Variants in STIM1 observed in about 807,000 individuals in gnomAD.
The protein encoded by STIM1 is stromal interaction molecule 1.
In STIM1, 25 loss-of-function variants were observed where a neutral mutation model predicts 74.7. That is an observed-to-expected ratio of 0.33 (90% confidence interval 0.24 to 0.47). STIM1 has a LOEUF of 0.47. Among genes scored for constraint, STIM1 ranks in the 20% least tolerant of loss-of-function variants. STIM1 has a pLI of 1.00. For synonymous variants in STIM1, 328 were observed against 348.8 expected (o/e 0.94, Z 0.66); for missense variants, 728 against 920.8 (o/e 0.79, Z 2.71).
intron 1 of STIM1, among the ~76,000 whole-genome samples, chr11:3,900,184 C>T (rs1015904699): frequency 1.3e-4 from 20 of 152,172 alleles, no homozygotes; most frequent in African/African-American, 4.8e-4. Flanking sequence ...AGTTTGATCT[C>T]AGACTGCTGT....
chr11:3,863,328 TC>T (rs2090714414), intron 1 of STIM1, among the ~76,000 whole-genome samples: 1 of 151,114 alleles, frequency 6.6e-6, no homozygotes, highest in African/African-American at 2.4e-5. Flanking sequence ...TGATCATGGC[TC>T]ACTGTTGCCT....
In STIM1 at chr11:4,056,012, A is replaced by G. The variant is rs190401726; in HGVS notation, c.497+375A>G. Among the ~76,000 whole-genome samples the G allele has an allele frequency of 3.3e-3, 509 of 152,364 alleles. 2 individuals are homozygous for G. Among genetic ancestry groups the G allele is most frequent in the Non-Finnish European group, 6.3e-3 (429 of 68,040 alleles). ...CTGGTTAAGTAACTTATCCAAGGTC[A>G]CAAACATGACTAGTTAGGGGCAAAA... On this transcript the variant is annotated intron_variant, in intron 4 of 12. Coordinates refer to ENST00000526596, the MANE Select transcript of STIM1 (RefSeq NM_001382567.1).
In STIM1 at chr11:3,961,496, GTA is replaced by G. The variant is rs377127220; in HGVS notation, c.140-6043_140-6042del. The G allele has an allele frequency of 5.4e-3, 817 of 151,598 alleles. 7 individuals carry two copies. Among genetic ancestry groups the G allele is most frequent in the South Asian group, 0.018 (88 of 4,924 alleles). The allele number at this position is 151,598 out of a possible 1,614,324, so 9.4% of individuals were successfully genotyped here. A position where few individuals can be genotyped will look rare whatever the true frequency, so the allele number is the denominator to read the frequency against. ...GGGATATCAAAGGACAATGTGATGAGTATATATATATATACATATATTTTTTT... is the reference window on the plus strand; with the variant it reads ...GGGATATCAAAGGACAATGTGATGAGTATATATATATACATATATTTTTTT... On this transcript the variant is annotated intron_variant, in intron 1 of 12. Transcript: ENST00000526596.
At chr11:4,069,895 G>A (rs547541478) in intron 5 of STIM1, 131 bp from the exon 6 acceptor site, 19 of 991,652 alleles carry the variant, frequency 1.9e-5, no homozygotes, top group African/African-American at 1.6e-4. Flanking sequence ...TCTAAGAAGA[G>A]AAACTAATTC....
chr11:3,950,384 G>A (rs1367165196), intron 1 of STIM1, among the ~76,000 whole-genome samples: 1 of 152,054 alleles, frequency 6.6e-6, no homozygotes, highest in African/African-American at 2.4e-5. Context: ...TGCCCGCCTC[G>A]GCCTCCCAAA....
At chr11:3,898,282 T>C (rs1228451888) in intron 1 of STIM1, among the ~76,000 whole-genome samples, 1 of 145,742 alleles carries the variant, frequency 6.9e-6, no homozygotes, top group Non-Finnish European at 1.5e-5. Context: ...GAGCATTTTT[T>C]CATGTGTCTT....
chr11:3,901,908 C>T (rs917787040), intron 1 of STIM1, among the ~76,000 whole-genome samples: 1 of 152,166 alleles, frequency 6.6e-6, no homozygotes, highest in African/African-American at 2.4e-5. Context: ...GCTGAAACTA[C>T]AGGCACGTGC....
rs547123029 is a variant in STIM1 at position 4,056,130 on chromosome 11, G to A, written c.497+493G>A. Among the ~76,000 whole-genome samples the A allele has an allele frequency of 1.4e-4, 21 of 151,948 alleles. No individual in the cohort carries two copies. In the East Asian group the frequency reaches 2.5e-3, roughly 18 times the overall value. On this transcript the variant is annotated intron_variant, in intron 4 of 12. Coordinates refer to ENST00000526596, the MANE Select transcript of STIM1 (RefSeq NM_001382567.1). ...TGAGCAGCTGCCTCTTTTATCACCC[G>A]GGAGCCTCAGGGCTCTTTTAGCCTC...
At chr11:3,987,393 G>T (rs1376635414) in intron 2 of STIM1, among the ~76,000 whole-genome samples, 2 of 152,178 alleles carry the variant, frequency 1.3e-5, no homozygotes, top group Admixed American at 1.3e-4. Flanking sequence ...CATAAGCTTT[G>T]TGATTTCTCT....
intron 1 of STIM1, among the ~76,000 whole-genome samples, chr11:3,880,182 A>G (rs1287821511): frequency 1.3e-5 from 2 of 152,322 alleles, no homozygotes; most frequent in African/African-American, 2.4e-5. Flanking sequence ...GGCCACTGAG[A>G]GAATGTATTT....
chr11:4,008,883 A>T (rs892934412), intron 2 of STIM1, among the ~76,000 whole-genome samples: 1 of 152,210 alleles, frequency 6.6e-6, no homozygotes, highest in Non-Finnish European at 1.5e-5. Context: ...TAAAGAAATG[A>T]CATTGAAAGA....
intron 1 of STIM1, among the ~76,000 whole-genome samples, chr11:3,958,630 T>C (rs2093247323): frequency 6.6e-6 from 1 of 152,174 alleles, no homozygotes; most frequent in South Asian, 2.1e-4. Context: ...ACTGGGGACC[T>C]TTCTTGGATA....
chr11:4,068,889 CT>C (rs1325055855), intron 5 of STIM1, among the ~76,000 whole-genome samples: 1 of 152,194 alleles, frequency 6.6e-6, no homozygotes, highest in African/African-American at 2.4e-5. Flanking sequence ...GTGGCTCTAC[CT>C]GGGTCCTTTT....
rs754273677 is a variant in STIM1, at chr11:4,091,747, A to G, written c.2100A>G (p.Pro700=). 1.6e-5 allele frequency: 26 copies of G among 1,612,366 alleles called. No individual in the cohort carries two copies. The Admixed American group carries it at 3.8e-4, about 24-fold the overall frequency. Residue 700 remains proline, a synonymous_variant, in exon 13 of 13, where the codon CCA becomes CCG. Transcript: ENST00000526596. ...TTGGCGAGGAAACAGACTCCAGCCC[A>G]GGCCGGAAGAAGTTTCCCCTCAAAA... ...GSIGEETDSS[P]GRKKFPLKIF...
intron 1 of STIM1, among the ~76,000 whole-genome samples, chr11:3,873,623 A>G (rs536215060): frequency 6.6e-6 from 1 of 152,066 alleles, no homozygotes; most frequent in East Asian, 1.9e-4. Context: ...GATTAGGTTC[A>G]GTATAGCCAC....
At chr11:3,918,400 C>T (rs978823444) in intron 1 of STIM1, among the ~76,000 whole-genome samples, 4 of 151,562 alleles carry the variant, frequency 2.6e-5, no homozygotes, top group African/African-American at 9.7e-5. Flanking sequence ...ACCTGTAGTC[C>T]TAGCTACTCA....
In STIM1 at chr11:4,055,609, C is replaced by A; in HGVS notation, c.469C>A (p.Leu157Met). 1 of 1,594,374 alleles carries A rather than the reference C, an allele frequency of 6.3e-7. No homozygotes were observed. Among genetic ancestry groups the A allele is most frequent in the South Asian group, 1.1e-5 (1 of 87,464 alleles). Residue 157 changes from leucine (L) to methionine (M), a missense_variant, in exon 4 of 13, where the codon CTG (leucine) becomes ATG (methionine). Physicochemically the swap from Leu to Met is conservative, Grantham distance 15. Around this residue, in one of 5 missense-constraint regions of STIM1, gnomAD observed 132 missense variants for 158.2 expected, o/e 0.83. Transcript: ENST00000526596. ...TCAGTATGAGGAGACCTTCCGGAAG[C>A]TGCAGCTCAGTGGCCATGCCATGCC... is the stretch of plus-strand genomic sequence containing the variant. The part of the protein sequence containing the change: ...LPQYEETFRK[L>M]QLSGHAMPRL...
intron 1 of STIM1, among the ~76,000 whole-genome samples, chr11:3,872,531 T>C (rs1197258131): frequency 1.3e-5 from 2 of 150,072 alleles, no homozygotes; most frequent in African/African-American, 4.9e-5. Context: ...TTCTTTTTTT[T>C]TTTTTTTTGA....
rs2091592578 is a variant in STIM1, at chr11:3,883,435, A to G, written c.139+27026A>G. On this transcript the variant is annotated intron_variant, in intron 1 of 12. Transcript: ENST00000526596. ...CAATGGCATGATCTTGGCTCACTGC[A>G]ACCTCTGCCTTCCGTTCAAGCAGTT... is the stretch of plus-strand genomic sequence containing the variant. Among the ~76,000 whole-genome samples, 4 of 152,188 alleles carry G rather than the reference A, an allele frequency of 2.6e-5. No homozygotes were observed. In the South Asian group the frequency reaches 8.3e-4, roughly 32 times the overall value.
Sources: allele counts gnomAD v4.1 joint callset (sites outside exome capture counted in the v4.1 genomes callset), GRCh38; gene constraint gnomAD v4.1.1; regional missense constraint gnomAD v4.1.1; transcripts MANE v1.5; gene names NCBI Gene and HGNC (gene_info 2026-07-23, HGNC 2026-07-21).